The following CASP5 variants were observed in gnomAD, a reference collection of about 807,000 sequenced individuals.
CASP5 encodes caspase-5.
A neutral mutation model predicts 45.2 loss-of-function variants in CASP5; 42 were observed. The ratio of observed to expected loss-of-function variants is 0.93; its 90% CI spans 0.73 to 1.20. The LOEUF (loss-of-function observed/expected upper bound fraction) is 1.20. CASP5 is among the 50% of genes most tolerant of loss of function. The pLI, the probability that CASP5 is intolerant of heterozygous loss-of-function variation, is 0.00. For synonymous variants in CASP5, 209 were observed against 186.2 expected, an observed-to-expected ratio of 1.12 and a Z score of -1.00; for missense variants, 512 against 532.2, an observed-to-expected ratio of 0.96 and a Z score of 0.37.
At chr11:105,017,894 G>T (rs1387249066) in intron 1 of CASP5, among the ~76,000 whole-genome samples, 1 of 152,004 alleles carries the variant, frequency 6.6e-6, no homozygotes, top group Non-Finnish European at 1.5e-5. Context: ...AAATGTTAAG[G>T]GCAGCCAGAG....
In CASP5 at chr11:105,020,660, G is replaced by A. The variant is rs564370382; in HGVS notation, c.7+2470C>T. Among the ~76,000 whole-genome samples the A allele has an allele frequency of 6.5e-3, 990 of 151,598 alleles. 6 individuals carry two copies. Among genetic ancestry groups the A allele is most frequent in the South Asian group, 0.026 (126 of 4,762 alleles). On this transcript the variant is annotated intron_variant, in intron 1 of 9. Coordinates refer to ENST00000260315, the MANE Select transcript of CASP5 (RefSeq NM_004347.5). Reference sequence around the variant, plus strand: ...CCACTGCTCAAGGAAATAAAAGAGGGTACAAACAAATGGAAGAACATTCCA... The same window carrying A: ...CCACTGCTCAAGGAAATAAAAGAGGATACAAACAAATGGAAGAACATTCCA...
At chr11:105,000,239 GA>G (rs773863255) in intron 6 of CASP5, 21 bp downstream of exon 6, 13 of 1,611,604 alleles carry the variant, frequency 8.1e-6, no homozygotes, top group Non-Finnish European at 1.0e-5. Context: ...AAAACTGTTA[GA>G]TGTTCAGCCT....
rs1262702615 is a variant in CASP5 at position 105,006,933 on chromosome 11, G to T, written c.433+150C>A. On this transcript the variant is annotated intron_variant, in intron 3 of 9. Transcript: ENST00000260315. ...TTTGATCCCGTCCCATAAAAGACAA[G>T]GTGGTCTCTAACAGGATGATGACAT... is the stretch of plus-strand genomic sequence containing the variant. 4 of 722,296 alleles carry T rather than the reference G, an allele frequency of 5.5e-6. No individual in the cohort carries two copies. In the Admixed American group the frequency reaches 8.3e-5, roughly 15 times the overall value. The allele number at this position is 722,296 out of a possible 1,614,324, so 44.7% of individuals were successfully genotyped here. A position where few individuals can be genotyped will look rare whatever the true frequency, so the allele number is the denominator to read the frequency against.
chr11:105,022,929 A>C (rs1471104259), intron 1 of CASP5, among the ~76,000 whole-genome samples: 1 of 151,714 alleles, frequency 6.6e-6, no homozygotes, highest in Non-Finnish European at 1.5e-5. Flanking sequence ...TGGCTTGAAA[A>C]CATCTAGAGA....
intron 1 of CASP5, among the ~76,000 whole-genome samples, chr11:105,013,899 A>G (rs749422008): frequency 7.9e-5 from 12 of 152,150 alleles, no homozygotes; most frequent in Non-Finnish European, 1.5e-4. Context: ...TGTATGTCTT[A>G]TTCCCCAACT....
chr11:105,020,279 T>C (rs1862878000), intron 1 of CASP5, among the ~76,000 whole-genome samples: 1 of 151,648 alleles, frequency 6.6e-6, no homozygotes, highest in African/African-American at 2.4e-5. Flanking sequence ...CCACTCCTAT[T>C]CAACATAGTG....
At chr11:105,018,128 G>C (rs940212249) in intron 1 of CASP5, among the ~76,000 whole-genome samples, 1 of 151,154 alleles carries the variant, frequency 6.6e-6, no homozygotes, top group East Asian at 1.9e-4. Flanking sequence ...TCACCACCAG[G>C]CCTGCCCTAA....
chr11:105,010,746 T>C (rs1470809049), intron 1 of CASP5, among the ~76,000 whole-genome samples: 1 of 151,604 alleles, frequency 6.6e-6, no homozygotes, highest in Non-Finnish European at 1.5e-5. Context: ...CTTTCAGTAA[T>C]AATAATATAT....
rs189547928 is a variant in CASP5, at chr11:105,013,844, C to T, written c.8-4864G>A. Among the ~76,000 whole-genome samples the T allele has an allele frequency of 3.9e-4, 59 of 152,162 alleles. No individual in the cohort carries two copies. In the East Asian group the frequency reaches 7.2e-3, roughly 18 times the overall value. On this transcript the variant is annotated intron_variant, in intron 1 of 9. Coordinates refer to ENST00000260315, the MANE Select transcript of CASP5 (RefSeq NM_004347.5). Reference sequence around the variant, plus strand: ...AAAAATAATACCTAACTTCCAAGTGCGGGAAGGCAGCAAAACCTGGTGATA... The same window carrying T: ...AAAAATAATACCTAACTTCCAAGTGTGGGAAGGCAGCAAAACCTGGTGATA...
At position 104,999,024 on chromosome 11, in the gene CASP5, T is replaced by C. The variant is rs1266285012; in HGVS notation, c.957A>G (p.Lys319=). The change falls in exon 7 of 10, where the codon AAA becomes AAG. Residue 319 remains lysine (K), a synonymous_variant. Transcript: ENST00000260315. The part of the protein sequence containing the change: ...VIIVQACRGE[K]HGELWVRDSP... ...AGTCTCTGACCCAGAGTTCCCCATG[T>C]TTTTCTGTAGAGACATCAACTTTCT... 8 of 1,594,230 alleles carry C rather than the reference T, an allele frequency of 5.0e-6. No individual in the cohort carries two copies. The Admixed American group carries it at 1.3e-4, about 26-fold the overall frequency.
At chr11:105,011,222 T>A (rs887393796) in intron 1 of CASP5, among the ~76,000 whole-genome samples, 5 of 151,804 alleles carry the variant, frequency 3.3e-5, no homozygotes, top group Admixed American at 6.6e-5. Flanking sequence ...TCTATTTAAC[T>A]TACTTGCATG....
At chr11:105,017,862 A>G (rs2134757166) in intron 1 of CASP5, among the ~76,000 whole-genome samples, 1 of 149,526 alleles carries the variant, frequency 6.7e-6, no homozygotes, top group East Asian at 1.9e-4. Context: ...TGTCAGATTC[A>G]CCAAAGTTGA....
At chr11:105,009,773 A>ACACG (rs1565388185) in intron 1 of CASP5, among the ~76,000 whole-genome samples, 3 of 57,390 alleles carry the variant, frequency 5.2e-5, no homozygotes, top group Admixed American at 1.8e-4. Context: ...ACACACACGT[A>ACACG]TATATATATA....
chr11:104,996,286 A>G (rs1182087946), intron 8 of CASP5, among the ~76,000 whole-genome samples: 1 of 152,152 alleles, frequency 6.6e-6, no homozygotes, highest in Non-Finnish European at 1.5e-5. Context: ...CACCATGCTG[A>G]CCTCTGAAAT....
intron 1 of CASP5, among the ~76,000 whole-genome samples, chr11:105,018,136 T>G (rs1440378500): frequency 5.3e-5 from 8 of 151,480 alleles, no homozygotes; most frequent in Non-Finnish European, 1.0e-4. Context: ...AGGCCTGCCC[T>G]AAAAGAGCTC....
At chr11:104,999,811 C>G (rs1477087343) in intron 6 of CASP5, among the ~76,000 whole-genome samples, 1 of 152,168 alleles carries the variant, frequency 6.6e-6, no homozygotes, top group Non-Finnish European at 1.5e-5. Flanking sequence ...TAAATCCCCT[C>G]AAGTTTCCTT....
Position 105,002,216 on chromosome 11 carries a change from G to T in CASP5, c.544-15C>A. 1 of 1,611,756 alleles carries T rather than the reference G, an allele frequency of 6.2e-7. No individual in the cohort carries two copies. On this transcript the variant is annotated splice_polypyrimidine_tract_variant and intron_variant, in intron 4 of 9. Coordinates refer to ENST00000260315, the MANE Select transcript of CASP5 (RefSeq NM_004347.5). Reference sequence around the variant, plus strand: ...ATTGGATAGATCTGCAGGAGATGGAGATGAAGCAACTTTGATTACCCGAGT... The same window carrying T: ...ATTGGATAGATCTGCAGGAGATGGATATGAAGCAACTTTGATTACCCGAGT...
intron 7 of CASP5, among the ~76,000 whole-genome samples, chr11:104,998,148 A>G (rs1326155708): frequency 6.6e-6 from 1 of 152,174 alleles, no homozygotes; most frequent in African/African-American, 2.4e-5. Flanking sequence ...TGGAGGAGAG[A>G]TGTTTACAGC....
chr11:105,000,453 G>A lies in CASP5; in HGVS notation c.760C>T (p.His254Tyr). The change falls in exon 6 of 10, where the codon CAC becomes TAC. Residue 254 changes from histidine to tyrosine, a missense_variant. Coordinates refer to ENST00000260315, the MANE Select transcript of CASP5 (RefSeq NM_004347.5). ...AAGAACGTGCTGTCAGAGGACTTGT[G>A]CTCTGGTCTGGCAGCAAATGCCCTC... ...VLRAFAARPEHKSSDSTFLVL... is the reference protein window; with the variant it reads ...VLRAFAARPEYKSSDSTFLVL... 2 of 1,614,132 alleles carry A rather than the reference G, an allele frequency of 1.2e-6. No individual in the cohort carries two copies. Among genetic ancestry groups the A allele is most frequent in the Non-Finnish European group, 1.7e-6 (2 of 1,180,012 alleles).
Sources: gnomAD v4.1 joint callset for allele counts (sites outside exome capture counted in the v4.1 genomes callset) on GRCh38, gnomAD v4.1.1 for gene constraint, MANE v1.5 for transcripts, NCBI Gene and HGNC (gene_info 2026-07-23, HGNC 2026-07-21) for gene names.